The following RBFOX3 variants were observed in gnomAD, a reference collection of about 807,000 sequenced individuals.
The protein encoded by RBFOX3 is RNA binding fox-1 homolog 3, also known as RNA binding protein fox-1 homolog 3.
Under a neutral mutation model 48.7 loss-of-function variants are expected in RBFOX3, and 17 were observed. That is an observed-to-expected ratio of 0.35 (90% CI 0.24 to 0.52). The LOEUF (loss-of-function observed/expected upper bound fraction) is 0.52. Among genes scored for constraint, RBFOX3 ranks in the 20% least tolerant of loss-of-function variants. The pLI is 0.94. For synonymous variants in RBFOX3, 212 were observed against 209.5 expected, an observed-to-expected ratio of 1.01 and a Z score of -0.10; for missense variants, 382 against 497.5, an observed-to-expected ratio of 0.77 and a Z score of 2.21.
In RBFOX3 at chr17:79,569,880, G is replaced by A. The variant is rs929031270; in HGVS notation, c.-320+40946C>T. On this transcript the variant is annotated intron_variant, in intron 1 of 14. Transcript: ENST00000693108. ...GGAATGGACAGATGGATTATGGATG[G>A]ATGGATAGGTAGATTATGGATAGAT... Among the ~76,000 whole-genome samples the A allele has an allele frequency of 4.4e-3, 672 of 152,328 alleles. 4 individuals are homozygous for A. Among genetic ancestry groups the A allele is most frequent in the African/African-American group, 0.015 (633 of 41,582 alleles).
At chr17:79,121,293 C>T (rs140571742) in intron 4 of RBFOX3, among the ~76,000 whole-genome samples, 171 of 152,272 alleles carry the variant, frequency 1.1e-3, no homozygotes, top group Non-Finnish European at 1.8e-3. Flanking sequence ...ACTCCACAGC[C>T]ATCAATGTTT....
chr17:79,213,210 T>C (rs1180807876), intron 4 of RBFOX3, among the ~76,000 whole-genome samples: 1 of 152,180 alleles, frequency 6.6e-6, no homozygotes, highest in African/African-American at 2.4e-5. Context: ...CCCCTGTTTC[T>C]CTTGTGAGCA....
intron 2 of RBFOX3, among the ~76,000 whole-genome samples, chr17:79,458,221 G>A (rs57007028): frequency 0.033 from 5,070 of 152,330 alleles, 152 homozygotes; most frequent in East Asian, 0.13. Flanking sequence ...GGACTGCGCT[G>A]CCTGACTCAT....
rs184990772 is a variant in RBFOX3, at chr17:79,219,686, G to T, written c.-34+16080C>A. On this transcript the variant is annotated intron_variant, in intron 4 of 14. Coordinates refer to ENST00000693108, the MANE Select transcript of RBFOX3 (RefSeq NM_001350451.2). ...TCCCCAGGGCCTCTGCAAGCTGCTC[G>T]TGTCTGGGCTCAGAGCTCCGGGGAG... 4.9e-3 allele frequency among the ~76,000 whole-genome samples: 749 copies of T among 152,282 alleles called. 5 individuals carry two copies. The highest frequency in any genetic ancestry group is 8.1e-3 in the Non-Finnish European group (551 of 68,018).
chr17:79,609,630 C>G (rs1365249688), intron 1 of RBFOX3, among the ~76,000 whole-genome samples: 1 of 152,070 alleles, frequency 6.6e-6, no homozygotes, highest in Non-Finnish European at 1.5e-5. Context: ...GGCCCCCGCC[C>G]CCACCAGTGG....
chr17:79,343,374 AGGTGT>A (rs1397196247), intron 2 of RBFOX3, among the ~76,000 whole-genome samples: 1 of 152,084 alleles, frequency 6.6e-6, no homozygotes, highest in Non-Finnish European at 1.5e-5. Context: ...AAAATTAGCC[AGGTGT>A]GGTGGTGCAC....
At chr17:79,192,130 G>C (rs1428159646) in intron 4 of RBFOX3, among the ~76,000 whole-genome samples, 8 of 152,096 alleles carry the variant, frequency 5.3e-5, no homozygotes, top group Non-Finnish European at 1.5e-5. Context: ...CCCCTTTCCT[G>C]ATCCACTCTA....
In RBFOX3 at chr17:79,211,202, C is replaced by T. The variant is rs114879064; in HGVS notation, c.-34+24564G>A. 7.1e-3 allele frequency among the ~76,000 whole-genome samples: 1,077 copies of T among 152,338 alleles called. 10 individuals carry two copies. The highest frequency in any genetic ancestry group is 0.023 in the African/African-American group (964 of 41,578). ...AACACAGGCTTCCTGGCAGGCAGCA[C>T]GGCCCGATGCGGGCTGGTCTGGTGG... On this transcript the variant is annotated intron_variant, in intron 4 of 14. Coordinates refer to ENST00000693108, the MANE Select transcript of RBFOX3 (RefSeq NM_001350451.2).
rs969704303 is a variant in RBFOX3 at position 79,392,418 on chromosome 17, G to C, written c.-174-84594C>G. 6.6e-6 allele frequency among the ~76,000 whole-genome samples: 1 copy of C among 152,142 alleles called. No individual in the cohort carries two copies. Among genetic ancestry groups the C allele is most frequent in the Non-Finnish European group, 1.5e-5 (1 of 68,034 alleles). On this transcript the variant is annotated intron_variant, in intron 2 of 14. Transcript: ENST00000693108. The surrounding 1 kb of genome is among the most constrained non-coding windows in gnomAD (Gnocchi z 5.0). ...AGCTAACTCTCACACGGTAGTGAGC[G>C]CAGGGCCCGGCCACTCACAGGTGCA... is the stretch of plus-strand genomic sequence containing the variant.
rs907074240 is a variant in RBFOX3 at position 79,364,704 on chromosome 17, G to A, written c.-174-56880C>T. Reference sequence around the variant, plus strand: ...GGGAAGCACGCTCTCCACTGATGGGGGACACCATATGGGGCTGGGGACCTA... The same window carrying A: ...GGGAAGCACGCTCTCCACTGATGGGAGACACCATATGGGGCTGGGGACCTA... On this transcript the variant is annotated intron_variant, in intron 2 of 14. Transcript: ENST00000693108. The surrounding 1 kb of genome is among the most constrained non-coding windows in gnomAD (Gnocchi z 5.1). 3.1e-4 allele frequency among the ~76,000 whole-genome samples: 47 copies of A among 152,092 alleles called. No homozygotes were observed. Among genetic ancestry groups the A allele is most frequent in the Non-Finnish European group, 6.0e-4 (41 of 68,012 alleles).
At chr17:79,440,166 A>G (rs1453290076) in intron 2 of RBFOX3, among the ~76,000 whole-genome samples, 1 of 152,186 alleles carries the variant, frequency 6.6e-6, no homozygotes, top group Non-Finnish European at 1.5e-5. Context: ...GAACAGAGAT[A>G]AAGCCGTGTC....
chr17:79,622,350 C>A, the RBFOX3 span, among the ~76,000 whole-genome samples: 2 of 152,270 alleles, frequency 1.3e-5, no homozygotes, highest in Non-Finnish European at 2.9e-5. Context: ...AGCCCCGTAC[C>A]CTGCACCCTC....
rs556845954 is a variant in RBFOX3, at chr17:79,201,701, G to A, written c.-34+34065C>T. Among the ~76,000 whole-genome samples, 14 of 152,262 alleles carry A rather than the reference G, an allele frequency of 9.2e-5. No homozygotes were observed. The South Asian group carries it at 1.2e-3, about 14-fold the overall frequency. ...AACACTCTTGCCCCTCGGAGGTGGCGGAGGTGGCCCATGGCCCCCATGCCC... is the reference window on the plus strand; with the variant it reads ...AACACTCTTGCCCCTCGGAGGTGGCAGAGGTGGCCCATGGCCCCCATGCCC... On this transcript the variant is annotated intron_variant, in intron 4 of 14. Transcript: ENST00000693108.
At position 79,570,823 on chromosome 17, in the gene RBFOX3, G is replaced by C. The variant is rs948218345; in HGVS notation, c.-320+40003C>G. 7.7e-3 allele frequency among the ~76,000 whole-genome samples: 1,178 copies of C among 152,308 alleles called. 17 individuals carry two copies. Among genetic ancestry groups the C allele is most frequent in the African/African-American group, 0.027 (1,121 of 41,560 alleles). ...TGATGCAGGGCTCACATCTTTCCAG[G>C]AGTGGGCCTGTGGGCCGGGCTGCTT... On this transcript the variant is annotated intron_variant, in intron 1 of 14. Coordinates refer to ENST00000693108, the MANE Select transcript of RBFOX3 (RefSeq NM_001350451.2).
At chr17:79,464,913 C>T (rs540830617) in intron 2 of RBFOX3, among the ~76,000 whole-genome samples, 2 of 152,350 alleles carry the variant, frequency 1.3e-5, no homozygotes, top group South Asian at 4.1e-4. Context: ...TGGTCACTAA[C>T]CCGATTTGAC....
intron 1 of RBFOX3, among the ~76,000 whole-genome samples, chr17:79,493,243 G>T (rs2080961504): frequency 6.6e-6 from 1 of 152,094 alleles, no homozygotes; most frequent in Non-Finnish European, 1.5e-5. Flanking sequence ...CACCAAGGGG[G>T]TGGTACTAAG....
At position 79,392,518 on chromosome 17, in the gene RBFOX3, T is replaced by C. The variant is rs1313748210; in HGVS notation, c.-174-84694A>G. On this transcript the variant is annotated intron_variant, in intron 2 of 14. Coordinates refer to ENST00000693108, the MANE Select transcript of RBFOX3 (RefSeq NM_001350451.2). This position sits in a 1 kb window ranked among gnomAD's most constrained non-coding sequence, Gnocchi z 5.0. Reference sequence around the variant, plus strand: ...ATAATCTCCTGGCTCCTGTTCCTGCTGGAGCCACGGGGAGCTGCCCTTCCC... The same window carrying C: ...ATAATCTCCTGGCTCCTGTTCCTGCCGGAGCCACGGGGAGCTGCCCTTCCC... Among the ~76,000 whole-genome samples, 1 of 152,226 alleles carries C rather than the reference T, an allele frequency of 6.6e-6. No individual in the cohort carries two copies. Among genetic ancestry groups the C allele is most frequent in the Non-Finnish European group, 1.5e-5 (1 of 68,044 alleles).
chr17:79,202,422 T>A (rs2056896946), intron 4 of RBFOX3, among the ~76,000 whole-genome samples: 1 of 152,132 alleles, frequency 6.6e-6, no homozygotes, highest in Non-Finnish European at 1.5e-5. Flanking sequence ...CTCCTCTGTA[T>A]CCTGGTAGAG....
chr17:79,284,855 G>T (rs1315804816), intron 3 of RBFOX3, among the ~76,000 whole-genome samples: 1 of 152,112 alleles, frequency 6.6e-6, no homozygotes, highest in Non-Finnish European at 1.5e-5. Flanking sequence ...TCTCTTTTAT[G>T]ACTGCCCTGA....
Sources: gnomAD v4.1 joint callset for allele counts (sites outside exome capture counted in the v4.1 genomes callset) on GRCh38, gnomAD v4.1.1 for gene constraint, Gnocchi (gnomAD v3.1) non-coding constraint, MANE v1.5 for transcripts, NCBI Gene and HGNC (gene_info 2026-07-23, HGNC 2026-07-21) for gene names.